The following EPB41L5 variants were observed in gnomAD, a reference collection of about 807,000 sequenced individuals.
EPB41L5 encodes the protein band 4.1-like protein 5.
EPB41L5 carries 55 observed loss-of-function variants against 106.6 expected under a neutral mutation model. That is an observed-to-expected ratio of 0.52 (90% CI 0.42 to 0.65). The LOEUF (loss-of-function observed/expected upper bound fraction) is 0.65. EPB41L5 is among the 30% of genes least tolerant of loss of function. The pLI, the probability that EPB41L5 is intolerant of heterozygous loss-of-function variation, is 0.00. For missense variants in EPB41L5, 871 were observed against 882.1 expected (o/e 0.99, Z 0.16); for synonymous variants, 297 against 306.7 (o/e 0.97, Z 0.33).
chr2:120,146,817 G>A (rs879336530), intron 20 of EPB41L5, among the ~76,000 whole-genome samples: 3 of 152,048 alleles, frequency 2.0e-5, no homozygotes, highest in Non-Finnish European at 4.4e-5. Context: ...CTAATGTTCT[G>A]TGCTTAGTGT....
At chr2:120,170,267 T>A (rs1013348424) in intron 24 of EPB41L5, among the ~76,000 whole-genome samples, 1 of 152,228 alleles carries the variant, frequency 6.6e-6, no homozygotes, top group Non-Finnish European at 1.5e-5. Context: ...ACCACAAAAC[T>A]TAGCAGCTTC....
intron 19 of EPB41L5, among the ~76,000 whole-genome samples, chr2:120,143,460 T>C (rs1451422012): frequency 6.6e-6 from 1 of 152,162 alleles, no homozygotes; most frequent in Non-Finnish European, 1.5e-5. Flanking sequence ...GATATGTTTA[T>C]GTAATTAGCA....
At chr2:120,166,859 G>T (rs1317998080) in intron 22 of EPB41L5, among the ~76,000 whole-genome samples, 1 of 152,178 alleles carries the variant, frequency 6.6e-6, no homozygotes, top group Non-Finnish European at 1.5e-5. Context: ...AAATGGGTGG[G>T]TTTCCTTAGT....
In EPB41L5 at chr2:120,164,858, C is replaced by G; in HGVS notation, c.1910C>G (p.Ala637Gly). The change falls in exon 22 of 25, where the codon GCC becomes GGC. Residue 637 changes from alanine (A) to glycine (G), a missense_variant. Physicochemically the swap from Ala to Gly is moderately conservative, Grantham distance 60. Transcript: ENST00000263713. Reference protein sequence around the residue: ...VLKEATDELDALLASLTENLI... With the variant: ...VLKEATDELDGLLASLTENLI... ...TAGGAAGCTACAGATGAATTGGATGCCTTGCTTGCATCTCTAACTGAGAAT... is the reference window on the plus strand; with the variant it reads ...TAGGAAGCTACAGATGAATTGGATGGCTTGCTTGCATCTCTAACTGAGAAT... 6.2e-7 allele frequency: 1 copy of G among 1,612,244 alleles called. No individual in the cohort carries two copies.
chr2:120,169,428 T>G (rs1162511946), intron 24 of EPB41L5, among the ~76,000 whole-genome samples: 1 of 152,190 alleles, frequency 6.6e-6, no homozygotes, highest in Non-Finnish European at 1.5e-5. Flanking sequence ...GACCTTAGAA[T>G]AGACAAAGAT....
In EPB41L5 at chr2:120,176,450, G is replaced by A. The variant is rs1687920349; in HGVS notation, c.*1543G>A. ...CGTGTGTCCAGGCAAACGCACACTA[G>A]TGTCTGACTGGAAAGCTCAGGAATT... On this transcript the variant is annotated 3_prime_UTR_variant, in exon 25 of 25. Transcript: ENST00000263713. 1 of 152,222 alleles carries A rather than the reference G, an allele frequency of 6.6e-6. No individual in the cohort carries two copies. The allele number at this position is 152,222 out of a possible 1,614,324, so 9.4% of individuals were successfully genotyped here.
At chr2:120,076,668 C>T (rs1056625545) in intron 7 of EPB41L5, among the ~76,000 whole-genome samples, 3 of 151,736 alleles carry the variant, frequency 2.0e-5, no homozygotes, top group African/African-American at 7.3e-5. Flanking sequence ...CATTTATTCA[C>T]TATAAGGTCA....
chr2:120,104,051 A>G, intron 16 of EPB41L5: 2 of 1,526,370 alleles, frequency 1.3e-6, no homozygotes, highest in Non-Finnish European at 1.8e-6. Context: ...CCACTCCCCA[A>G]CCATCCAGGC....
At chr2:120,059,297 G>C (rs1680867312) in intron 3 of EPB41L5, among the ~76,000 whole-genome samples, 1 of 152,126 alleles carries the variant, frequency 6.6e-6, no homozygotes, top group Non-Finnish European at 1.5e-5. Context: ...GAAAAACCTT[G>C]ACCTAAACCT....
chr2:120,091,945 T>A (rs1444679266), intron 13 of EPB41L5, among the ~76,000 whole-genome samples: 1 of 152,158 alleles, frequency 6.6e-6, no homozygotes, highest in African/African-American at 2.4e-5. Context: ...ATTCTCTCCC[T>A]TTTTGACTTA....
At chr2:120,031,149 A>G (rs1452346404) in intron 2 of EPB41L5, among the ~76,000 whole-genome samples, 1 of 152,214 alleles carries the variant, frequency 6.6e-6, no homozygotes, top group Non-Finnish European at 1.5e-5. Flanking sequence ...GATTAAAGGC[A>G]TGAGCCACCA....
intron 16 of EPB41L5, among the ~76,000 whole-genome samples, chr2:120,101,305 G>C (rs1030770600): frequency 3.9e-5 from 6 of 152,182 alleles, no homozygotes; most frequent in African/African-American, 1.4e-4. Context: ...AGGAGACTGA[G>C]AGAGAATCTG....
At chr2:120,046,106 G>A (rs541526232) in intron 3 of EPB41L5, among the ~76,000 whole-genome samples, 6 of 152,088 alleles carry the variant, frequency 3.9e-5, no homozygotes, top group Non-Finnish European at 8.8e-5. Flanking sequence ...GAATAGTGCC[G>A]CAGTAAACAT....
chr2:120,039,831 A>G (rs1321043141), intron 2 of EPB41L5, among the ~76,000 whole-genome samples: 1 of 150,298 alleles, frequency 6.7e-6, no homozygotes, highest in Non-Finnish European at 1.5e-5. Context: ...GTCTCAGGAA[A>G]AAAAAAAAAA....
chr2:120,032,987 T>C (rs189148034), intron 2 of EPB41L5, among the ~76,000 whole-genome samples: 9 of 152,296 alleles, frequency 5.9e-5, no homozygotes, highest in African/African-American at 2.2e-4. Flanking sequence ...GTAATGAAAA[T>C]TTTCCCGTAT....
intron 20 of EPB41L5, among the ~76,000 whole-genome samples, chr2:120,158,340 A>G (rs1436137143): frequency 3.3e-5 from 5 of 152,344 alleles, no homozygotes; most frequent in Middle Eastern, 6.8e-3. Flanking sequence ...TCAATGCAAA[A>G]GTCCTCAACA....
intron 16 of EPB41L5, among the ~76,000 whole-genome samples, chr2:120,123,231 G>A (rs1362553808): frequency 6.6e-6 from 1 of 151,934 alleles, no homozygotes; most frequent in Admixed American, 6.6e-5. Context: ...AGAAAACCTG[G>A]TCCCCTGGTT....
intron 1 of EPB41L5, among the ~76,000 whole-genome samples, chr2:120,017,345 C>T (rs535336867): frequency 1.3e-5 from 2 of 152,300 alleles, no homozygotes; most frequent in African/African-American, 4.8e-5. Flanking sequence ...ATTGTTCGAT[C>T]AGTATTTAGT....
chr2:120,081,911 G>A (rs1237022772), intron 10 of EPB41L5, among the ~76,000 whole-genome samples: 1 of 151,878 alleles, frequency 6.6e-6, no homozygotes, highest in Non-Finnish European at 1.5e-5. Flanking sequence ...CTCTCTGTTT[G>A]TCTGTTATTG....
Sources: allele counts gnomAD v4.1 joint callset (sites outside exome capture counted in the v4.1 genomes callset), GRCh38; gene constraint gnomAD v4.1.1; transcripts MANE v1.5; gene names NCBI Gene and HGNC (gene_info 2026-07-23, HGNC 2026-07-21).